The following FOXO3 variants were observed in gnomAD, a reference collection of about 807,000 sequenced individuals.
FOXO3 encodes the protein forkhead box protein O3.
FOXO3 carries 4 observed loss-of-function variants against 41.9 expected under a neutral mutation model. The ratio of observed to expected loss-of-function variants is 0.10; its 90% CI spans 0.05 to 0.22. The LOEUF is 0.22. Among genes scored for constraint, FOXO3 ranks in the 10% least tolerant of loss-of-function variants. FOXO3 has a pLI of 1.00. For synonymous variants in FOXO3, 318 were observed against 389.3 expected (o/e 0.82, Z 2.16); for missense variants, 534 against 906.8 (o/e 0.59, Z 5.28).
intron 2 of FOXO3, among the ~76,000 whole-genome samples, chr6:108,675,085 TA>T (rs1770531263): frequency 6.6e-6 from 1 of 152,084 alleles, no homozygotes; most frequent in South Asian, 2.1e-4. Flanking sequence ...TGCCTCAACA[TA>T]AAGTCAGAGA....
intron 1 of FOXO3, among the ~76,000 whole-genome samples, chr6:108,569,341 A>C (rs893192597): frequency 6.6e-6 from 1 of 152,178 alleles, no homozygotes; most frequent in Non-Finnish European, 1.5e-5. Flanking sequence ...TCACCATTTT[A>C]TTCCTGACCA....
chr6:108,619,060 T>C (rs1318162167), intron 1 of FOXO3, among the ~76,000 whole-genome samples: 1 of 152,238 alleles, frequency 6.6e-6, no homozygotes. Flanking sequence ...TTGTCCAATG[T>C]CTGAAAACAG....
At chr6:108,584,925 AG>A (rs1776532199) in intron 1 of FOXO3, among the ~76,000 whole-genome samples, 1 of 149,180 alleles carries the variant, frequency 6.7e-6, no homozygotes, top group Non-Finnish European at 1.5e-5. Flanking sequence ...TAGCCTGCAC[AG>A]GGTGGTAGAG....
intron 1 of FOXO3, among the ~76,000 whole-genome samples, chr6:108,579,992 C>T (rs747936496): frequency 2.6e-4 from 40 of 152,012 alleles, no homozygotes; most frequent in Admixed American, 1.1e-3. Flanking sequence ...ACTCTTAATT[C>T]CTCCCTGCCC....
At chr6:108,631,257 T>C (rs1044383539) in intron 1 of FOXO3, among the ~76,000 whole-genome samples, 1 of 152,146 alleles carries the variant, frequency 6.6e-6, no homozygotes, top group African/African-American at 2.4e-5. Flanking sequence ...TCTCTGCATG[T>C]TGGAATTTAG....
At chr6:108,591,616 T>C (rs992814134) in intron 1 of FOXO3, among the ~76,000 whole-genome samples, 1 of 152,226 alleles carries the variant, frequency 6.6e-6, no homozygotes, top group Non-Finnish European at 1.5e-5. Context: ...TACAGTTTCC[T>C]CATAGTTCTT....
chr6:108,611,486 A>G (rs923824615), intron 1 of FOXO3, among the ~76,000 whole-genome samples: 4 of 152,174 alleles, frequency 2.6e-5, no homozygotes, highest in African/African-American at 9.7e-5. Context: ...TCTGCCAGCA[A>G]TGTATGAGAG....
upstream of FOXO3, among the ~76,000 whole-genome samples, chr6:108,560,346 T>C (rs1019137715): frequency 6.6e-6 from 1 of 152,162 alleles, no homozygotes; most frequent in Non-Finnish European, 1.5e-5. Context: ...TCCGCGAGAA[T>C]GCAAACCACA....
At chr6:108,614,839 A>G (rs946376587) in intron 1 of FOXO3, among the ~76,000 whole-genome samples, 1 of 150,574 alleles carries the variant, frequency 6.6e-6, no homozygotes, top group Non-Finnish European at 1.5e-5. Context: ...TTTGTGTCCT[A>G]TTCCCCCTTT....
intron 1 of FOXO3, among the ~76,000 whole-genome samples, chr6:108,649,008 T>TAAAAAA (rs10612637): frequency 1.3e-5 from 1 of 79,104 alleles, no homozygotes; most frequent in Non-Finnish European, 2.4e-5. Flanking sequence ...ACCTATCTCT[T>TAAAAAA]AAAAAAAAAA....
chr6:108,668,934 A>G (rs1277184906), intron 2 of FOXO3, among the ~76,000 whole-genome samples: 1 of 151,782 alleles, frequency 6.6e-6, no homozygotes, highest in Non-Finnish European at 1.5e-5. Flanking sequence ...AGACGGTGAA[A>G]CCCCGTCTCT....
At chr6:108,629,047 T>G (rs1777888304) in intron 1 of FOXO3, among the ~76,000 whole-genome samples, 1 of 152,122 alleles carries the variant, frequency 6.6e-6, no homozygotes, top group Non-Finnish European at 1.5e-5. Context: ...CTGTAACCTC[T>G]CTCTGCCTCC....
intron 1 of FOXO3, among the ~76,000 whole-genome samples, chr6:108,581,865 A>G (rs1261960679): frequency 2.0e-5 from 3 of 152,194 alleles, no homozygotes; most frequent in African/African-American, 4.8e-5. Context: ...TCTCCCTTTC[A>G]TGAAAAATGA....
At chr6:108,600,302 T>C (rs1777010499) in intron 1 of FOXO3, among the ~76,000 whole-genome samples, 2 of 152,014 alleles carry the variant, frequency 1.3e-5, no homozygotes, top group South Asian at 4.1e-4. Context: ...CCCAGCACTT[T>C]AGGAGGCCGA....
intron 1 of FOXO3, among the ~76,000 whole-genome samples, chr6:108,582,392 A>G (rs1393420281): frequency 6.6e-6 from 1 of 152,232 alleles, no homozygotes. Context: ...GTTGTAAGTT[A>G]TATCCAGTTG....
chr6:108,613,758 ATTTCT>A (rs1448014091), intron 1 of FOXO3, among the ~76,000 whole-genome samples: 1 of 144,030 alleles, frequency 6.9e-6, no homozygotes, highest in South Asian at 2.2e-4. Context: ...TTAATCTTTT[ATTTCT>A]TTTCTTCTGC....
chr6:108,621,872 G>C (rs377443104), intron 1 of FOXO3, among the ~76,000 whole-genome samples: 4 of 152,156 alleles, frequency 2.6e-5, no homozygotes, highest in East Asian at 3.9e-4. Context: ...GTCTCGTGCA[G>C]ACATGTTCAT....
intron 2 of FOXO3, among the ~76,000 whole-genome samples, chr6:108,668,729 C>T (rs1779128445): frequency 6.6e-6 from 1 of 152,154 alleles, no homozygotes; most frequent in Non-Finnish European, 1.5e-5. Flanking sequence ...GGGTGGTTCA[C>T]TTCTTGTCTC....
intron 1 of FOXO3, among the ~76,000 whole-genome samples, chr6:108,612,054 G>A (rs1777379684): frequency 6.6e-6 from 1 of 151,946 alleles, no homozygotes; most frequent in Non-Finnish European, 1.5e-5. Context: ...TATTTTGTCA[G>A]GTAGTATAAC....
Sources: allele counts gnomAD v4.1 joint callset (sites outside exome capture counted in the v4.1 genomes callset), GRCh38; gene constraint gnomAD v4.1.1; transcripts MANE v1.5; gene names NCBI Gene and HGNC (gene_info 2026-07-23, HGNC 2026-07-21).